The following NXPH2 variants were observed in gnomAD, a reference collection of about 807,000 sequenced individuals.
NXPH2 encodes neurexophilin 2.
In NXPH2, 5 loss-of-function variants were observed where a neutral mutation model predicts 19.8. That is an observed-to-expected ratio of 0.25 (90% CI 0.13 to 0.53). NXPH2 has a LOEUF of 0.53. NXPH2 is among the 20% of genes least tolerant of loss of function. The probability of loss-of-function intolerance (pLI) is 0.96; values close to 1 mark genes in which losing one functional copy is unlikely to be tolerated. For synonymous variants in NXPH2, 154 were observed against 127.4 expected (o/e 1.21, Z -1.41); for missense variants, 289 against 322.8 (o/e 0.90, Z 0.80).
chr2:138,682,267 G>A (rs1272288270), intron 1 of NXPH2, among the ~76,000 whole-genome samples: 6 of 152,094 alleles, frequency 3.9e-5, no homozygotes, highest in Non-Finnish European at 7.4e-5. Context: ...AACAAATCTT[G>A]GAAAGCATTT....
chr2:138,771,725 T>C (rs976671549), intron 1 of NXPH2, among the ~76,000 whole-genome samples: 2 of 152,092 alleles, frequency 1.3e-5, no homozygotes, highest in African/African-American at 2.4e-5. Context: ...ACCTCAGTTA[T>C]ATCTGGGAGC....
intron 1 of NXPH2, among the ~76,000 whole-genome samples, chr2:138,762,445 G>C (rs1038027960): frequency 6.6e-6 from 1 of 152,024 alleles, no homozygotes; most frequent in African/African-American, 2.4e-5. Flanking sequence ...AATATCTTGG[G>C]CACAGTTGTT....
intron 1 of NXPH2, among the ~76,000 whole-genome samples, chr2:138,699,051 A>G (rs985048947): frequency 6.6e-6 from 1 of 152,212 alleles, no homozygotes; most frequent in African/African-American, 2.4e-5. Flanking sequence ...ATTACACTAA[A>G]TAGAAATGAA....
intron 1 of NXPH2, among the ~76,000 whole-genome samples, chr2:138,756,333 T>G (rs1681908221): frequency 6.6e-6 from 1 of 152,152 alleles, no homozygotes; most frequent in Admixed American, 6.5e-5. Context: ...TGTGTTATAT[T>G]TCTTGCAGAA....
At chr2:138,779,951 A>G (rs1034836953) in intron 1 of NXPH2, among the ~76,000 whole-genome samples, 6 of 151,460 alleles carry the variant, frequency 4.0e-5, no homozygotes, top group African/African-American at 1.5e-4. Flanking sequence ...TGCCTACTTT[A>G]CCCCAGCGCT....
chr2:138,680,794 A>C (rs1680569460), intron 1 of NXPH2, among the ~76,000 whole-genome samples: 1 of 152,210 alleles, frequency 6.6e-6, no homozygotes, highest in Admixed American at 6.5e-5. Flanking sequence ...CAAGAAAACC[A>C]ATTGATCTTG....
intron 1 of NXPH2, among the ~76,000 whole-genome samples, chr2:138,704,236 A>G (rs959680170): frequency 6.6e-6 from 1 of 152,202 alleles, no homozygotes; most frequent in Non-Finnish European, 1.5e-5. Flanking sequence ...AGTATAAAAT[A>G]CTAGTAGATA....
chr2:138,712,764 C>T (rs913729968), intron 1 of NXPH2, among the ~76,000 whole-genome samples: 1 of 152,150 alleles, frequency 6.6e-6, no homozygotes, highest in African/African-American at 2.4e-5. Flanking sequence ...ACTATAAACA[C>T]TTGGGTTCAG....
chr2:138,760,269 C>G (rs1386398815), intron 1 of NXPH2, among the ~76,000 whole-genome samples: 1 of 152,150 alleles, frequency 6.6e-6, no homozygotes, highest in Non-Finnish European at 1.5e-5. Flanking sequence ...CAATAAGACA[C>G]TCATCTGCAA....
At chr2:138,760,544 C>T (rs180712802) in intron 1 of NXPH2, among the ~76,000 whole-genome samples, 2 of 152,166 alleles carry the variant, frequency 1.3e-5, no homozygotes, top group East Asian at 1.9e-4. Flanking sequence ...AAAATCATAA[C>T]GTGTGTAGAG....
chr2:138,705,502 T>C (rs1290776582), intron 1 of NXPH2, among the ~76,000 whole-genome samples: 1 of 152,196 alleles, frequency 6.6e-6, no homozygotes, highest in Non-Finnish European at 1.5e-5. Flanking sequence ...TCCCTCTTAG[T>C]AGATTTTACT....
intron 1 of NXPH2, among the ~76,000 whole-genome samples, chr2:138,707,864 C>CT (rs1491168347): frequency 6.6e-6 from 1 of 152,092 alleles, no homozygotes; most frequent in East Asian, 1.9e-4. Context: ...CAATAGGTCC[C>CT]TCTCTCTCTA....
intron 1 of NXPH2, among the ~76,000 whole-genome samples, chr2:138,678,780 A>G (rs1360419108): frequency 6.6e-6 from 1 of 152,242 alleles, no homozygotes; most frequent in African/African-American, 2.4e-5. Flanking sequence ...CTTGCTGACT[A>G]CATTAGAATC....
In NXPH2 at chr2:138,720,692, A is replaced by G. The variant is rs118066467; in HGVS notation, c.52-49027T>C. On this transcript the variant is annotated intron_variant, in intron 1 of 1. Transcript: ENST00000272641. ...CGGCAGCACAGGGGGCTGGCTCCACACGCACTGGCGCTGTGGCAAGAAAAT... is the reference window on the plus strand; with the variant it reads ...CGGCAGCACAGGGGGCTGGCTCCACGCGCACTGGCGCTGTGGCAAGAAAAT... Among the ~76,000 whole-genome samples, 73 of 152,316 alleles carry G rather than the reference A, an allele frequency of 4.8e-4. No homozygotes were observed. The East Asian group carries it at 0.012, about 25-fold the overall frequency.
intron 1 of NXPH2, among the ~76,000 whole-genome samples, chr2:138,753,780 A>G (rs957136546): frequency 1.3e-5 from 2 of 152,130 alleles, no homozygotes; most frequent in African/African-American, 2.4e-5. Context: ...TACACCATAC[A>G]TTGACTTAAT....
intron 1 of NXPH2, among the ~76,000 whole-genome samples, chr2:138,721,338 T>TG (rs566313798): frequency 1.4e-3 from 207 of 148,990 alleles, no homozygotes; most frequent in African/African-American, 4.8e-3. Context: ...AGACTCCGTC[T>TG]GAAAAAAAAA....
chr2:138,714,541 CTCTA>C (rs1326625811), intron 1 of NXPH2, among the ~76,000 whole-genome samples: 1 of 152,064 alleles, frequency 6.6e-6, no homozygotes, highest in Non-Finnish European at 1.5e-5. Context: ...TGCTGGACTC[CTCTA>C]TCTAACACAG....
At chr2:138,713,153 C>A (rs1681130123) in intron 1 of NXPH2, among the ~76,000 whole-genome samples, 1 of 152,196 alleles carries the variant, frequency 6.6e-6, no homozygotes, top group Non-Finnish European at 1.5e-5. Context: ...AAAGGCCATT[C>A]AGGATCTACT....
intron 1 of NXPH2, among the ~76,000 whole-genome samples, chr2:138,745,368 A>G (rs575475406): frequency 6.6e-6 from 1 of 152,102 alleles, no homozygotes; most frequent in South Asian, 2.1e-4. Context: ...AAAGACATAC[A>G]TGGATATGGA....
Sources: allele counts gnomAD v4.1 joint callset (sites outside exome capture counted in the v4.1 genomes callset), GRCh38; gene constraint gnomAD v4.1.1; transcripts MANE v1.5; gene names NCBI Gene and HGNC (gene_info 2026-07-23, HGNC 2026-07-21).